ADGRL4: variants seen among roughly 807,000 people sequenced by gnomAD.
ADGRL4 encodes EGF, latrophilin and seven transmembrane domain containing 1.
Under a neutral mutation model 74.8 loss-of-function variants are expected in ADGRL4, and 90 were observed. The observed-to-expected ratio is 1.20, with a 90% CI of 1.02 to 1.43. The LOEUF is 1.43. ADGRL4 is among the 40% of genes most tolerant of loss of function. The pLI, the probability that ADGRL4 is intolerant of heterozygous loss-of-function variation, is 0.00. For missense variants in ADGRL4, 881 were observed against 814.3 expected, an observed-to-expected ratio of 1.08 and a Z score of -1.00; for synonymous variants, 311 against 279.2, an observed-to-expected ratio of 1.11 and a Z score of -1.14.
intron 7 of ADGRL4, among the ~76,000 whole-genome samples, chr1:78,934,255 T>A (rs1419239652): frequency 6.6e-6 from 1 of 152,040 alleles, no homozygotes; most frequent in African/African-American, 2.4e-5. Flanking sequence ...ACCACACATC[T>A]ACAACCATCT....
intron 8 of ADGRL4, among the ~76,000 whole-genome samples, chr1:78,926,228 T>A (rs1401513108): frequency 6.6e-6 from 1 of 152,072 alleles, no homozygotes; most frequent in Admixed American, 6.6e-5. Context: ...AGAACTGAAA[T>A]TCTGTTGAAA....
At chr1:78,903,238 G>A (rs2100656627) in intron 12 of ADGRL4, among the ~76,000 whole-genome samples, 1 of 152,184 alleles carries the variant, frequency 6.6e-6, no homozygotes, top group East Asian at 1.9e-4. Context: ...ATGCATGCCT[G>A]TCATCTTACA....
chr1:78,996,603 T>TA (rs763100188), intron 2 of ADGRL4, among the ~76,000 whole-genome samples: 3 of 152,180 alleles, frequency 2.0e-5, no homozygotes, highest in Non-Finnish European at 2.9e-5. Context: ...TATCCTCTGC[T>TA]AAATTTTGCC....
At position 78,920,074 on chromosome 1, in the gene ADGRL4, A is replaced by G. The variant is rs114155999; in HGVS notation, c.1461+109T>C. On this transcript the variant is annotated intron_variant, in intron 10 of 14. Coordinates refer to ENST00000370742, the MANE Select transcript of ADGRL4 (RefSeq NM_022159.4). ...GATAGCTGAAGAACAAATTATAGAG[A>G]ACGTCTGCCCCATTAAACCCTAAAT... is the stretch of plus-strand genomic sequence containing the variant. 63 of 772,862 alleles carry G rather than the reference A, an allele frequency of 8.2e-5. No homozygotes were observed. In the African/African-American group the frequency reaches 1.1e-3, roughly 13 times the overall value. The allele number at this position is 772,862 out of a possible 1,614,324, so 47.9% of individuals were successfully genotyped here.
chr1:78,958,045 T>C (rs369068584), intron 2 of ADGRL4, among the ~76,000 whole-genome samples: 3 of 152,204 alleles, frequency 2.0e-5, no homozygotes, highest in Non-Finnish European at 1.5e-5. Context: ...ACAGCACATC[T>C]GTTTACAGCA....
intron 10 of ADGRL4, among the ~76,000 whole-genome samples, chr1:78,919,409 G>A (rs1252156796): frequency 6.6e-6 from 1 of 151,894 alleles, no homozygotes; most frequent in African/African-American, 2.4e-5. Flanking sequence ...TCTTACAAAG[G>A]ATTCCTGCTC....
chr1:78,969,536 C>T lies in ADGRL4; in HGVS notation c.173-23110G>A, dbSNP rs114255093. 6.6e-3 allele frequency among the ~76,000 whole-genome samples: 1,002 copies of T among 152,218 alleles called. 9 individuals are homozygous for T. The highest frequency in any genetic ancestry group is 0.019 in the African/African-American group (776 of 41,526). On this transcript the variant is annotated intron_variant, in intron 2 of 14. Transcript: ENST00000370742. ...GAGGATACAAACCTATGGCTGGGCT[C>T]GGCTTTAAAAGGTCTTATTTGAGAT...
At chr1:78,919,798 C>A (rs1328111383) in intron 10 of ADGRL4, among the ~76,000 whole-genome samples, 1 of 151,962 alleles carries the variant, frequency 6.6e-6, no homozygotes, top group Non-Finnish European at 1.5e-5. Flanking sequence ...TTATCACATT[C>A]CAACCTACAA....
Position 78,946,250 on chromosome 1 carries a change from T to G in ADGRL4, c.325+24A>C, listed in dbSNP as rs767229577. The G allele has an allele frequency of 1.5e-5, 23 of 1,579,924 alleles. No homozygotes were observed. In the East Asian group the frequency reaches 5.0e-4, roughly 34 times the overall value. ...CAAACAATAAGAGATATATACAAAT[T>G]CTAACTTAGATAACCGAACTTACCT... On this transcript the variant is annotated intron_variant, in intron 3 of 14. Transcript: ENST00000370742.
chr1:78,986,829 A>G (rs946017119), intron 2 of ADGRL4, among the ~76,000 whole-genome samples: 1 of 151,808 alleles, frequency 6.6e-6, no homozygotes, highest in Non-Finnish European at 1.5e-5. Flanking sequence ...AATCTAAGTT[A>G]AAACCTCAAA....
chr1:79,004,740 G>A (rs942706563), intron 2 of ADGRL4, among the ~76,000 whole-genome samples: 1 of 152,046 alleles, frequency 6.6e-6, no homozygotes, highest in African/African-American at 2.4e-5. Flanking sequence ...ATATGAAGGC[G>A]ATACATAGCA....
chr1:78,891,098 C>T lies in ADGRL4; in HGVS notation c.*56G>A. 1 of 1,540,324 alleles carries T rather than the reference C, an allele frequency of 6.5e-7. No homozygotes were observed. The highest frequency in any genetic ancestry group is 1.7e-4 in the Middle Eastern group (1 of 5,914). On this transcript the variant is annotated 3_prime_UTR_variant, in exon 15 of 15. Transcript: ENST00000370742. The stretch of plus-strand genomic sequence containing the variant: ...TGAGTCATTTTTATACATTGGTCAT[C>T]CACAGCTTGGAATTTTTATTTTTGT...
chr1:78,921,782 G>C lies in ADGRL4; in HGVS notation c.1088C>G (p.Thr363Arg), dbSNP rs746612752. The change falls in exon 9 of 15, where the codon ACA becomes AGA. Residue 363 changes from threonine (T) to arginine (R), a missense_variant. Thr to Arg is a moderately conservative substitution (Grantham distance 71). Coordinates refer to ENST00000370742, the MANE Select transcript of ADGRL4 (RefSeq NM_022159.4). ...TGCACATAGACTCCTATACCTATCT[G>C]TGACCTGAAAAAAAGATACTTTACT... Reference protein sequence around the residue: ...ITFTLSHRKVTDRYRSLCAFW... With the variant: ...ITFTLSHRKVRDRYRSLCAFW... 2.7e-6 allele frequency: 4 copies of C among 1,472,322 alleles called. No homozygotes were observed. The highest frequency in any genetic ancestry group is 1.8e-6 in the Non-Finnish European group (2 of 1,107,584). 91.2% of individuals were successfully genotyped at this position (1,472,322 alleles called of 1,614,324 possible).
At chr1:78,970,462 C>T (rs1650146747) in intron 2 of ADGRL4, among the ~76,000 whole-genome samples, 1 of 152,136 alleles carries the variant, frequency 6.6e-6, no homozygotes. Context: ...TGGATAATTC[C>T]TATTCTCTAG....
chr1:78,922,179 A>G (rs1359266206), intron 8 of ADGRL4, among the ~76,000 whole-genome samples: 5 of 152,076 alleles, frequency 3.3e-5, no homozygotes, highest in Admixed American at 3.3e-4. Flanking sequence ...AATTCTAGTT[A>G]GAGATGAAAA....
intron 12 of ADGRL4, among the ~76,000 whole-genome samples, chr1:78,897,286 C>A (rs1648418328): frequency 6.6e-6 from 1 of 152,102 alleles, no homozygotes; most frequent in South Asian, 2.1e-4. Context: ...TTGTGGAGTC[C>A]AGTTTTAGTA....
At chr1:78,957,384 C>G (rs974825252) in intron 2 of ADGRL4, among the ~76,000 whole-genome samples, 1 of 152,110 alleles carries the variant, frequency 6.6e-6, no homozygotes, top group African/African-American at 2.4e-5. Flanking sequence ...ACCAAACAGC[C>G]AAGTTGTGAA....
chr1:78,891,640 T>C lies in ADGRL4; in HGVS notation c.1894A>G (p.Ile632Val), dbSNP rs763998637. Residue 632 changes from isoleucine to valine, a missense_variant, in exon 14 of 15, where the codon ATC becomes GTC. Ile to Val is a conservative substitution (Grantham distance 29, BLOSUM62 3). Transcript: ENST00000370742. ...TGCACAACATGGAGAACCCCAAAGA[T>C]CCAGGTGGTGCCGAGAAGGAACAGA... ...ALLFLLGTTW[I>V]FGVLHVVHAS... 1.6e-5 allele frequency: 26 copies of C among 1,613,106 alleles called. No individual in the cohort carries two copies. Among genetic ancestry groups the C allele is most frequent in the African/African-American group, 2.7e-5 (2 of 74,834 alleles).
intron 2 of ADGRL4, among the ~76,000 whole-genome samples, chr1:78,975,145 T>C (rs1650252041): frequency 6.6e-6 from 1 of 152,136 alleles, no homozygotes; most frequent in South Asian, 2.1e-4. Context: ...AGTCATAAAT[T>C]AGAATTGGCA....
Sources: gnomAD v4.1 joint callset for allele counts (sites outside exome capture counted in the v4.1 genomes callset) on GRCh38, gnomAD v4.1.1 for gene constraint, MANE v1.5 for transcripts, NCBI Gene and HGNC (gene_info 2026-07-23, HGNC 2026-07-21) for gene names.